DLC1: variants seen among roughly 807,000 people sequenced by gnomAD.
DLC1 encodes rho GTPase-activating protein 7.
A neutral mutation model predicts 140.3 loss-of-function variants in DLC1; 54 were observed. The observed-to-expected ratio is 0.38, with a 90% CI of 0.31 to 0.48. The LOEUF (loss-of-function observed/expected upper bound fraction) is 0.48, where lower values mean the gene tolerates loss of function less well. Ranked by LOEUF, DLC1 falls within the 20% of genes least tolerant of loss-of-function variation. The pLI, the probability that DLC1 is intolerant of heterozygous loss-of-function variation, is 0.96. For synonymous variants in DLC1, 986 were observed against 728.1 expected (o/e 1.35, Z -5.70); for missense variants, 2,536 against 1,907.0 (o/e 1.33, Z -6.14).
chr8:13,255,518 A>C (rs1830185450), intron 5 of DLC1, among the ~76,000 whole-genome samples: 1 of 152,196 alleles, frequency 6.6e-6, no homozygotes, highest in African/African-American at 2.4e-5. Context: ...TGAATGAATG[A>C]AATGAATGGA....
intron 2 of DLC1, among the ~76,000 whole-genome samples, chr8:13,484,293 G>C (rs905594996): frequency 1.3e-5 from 2 of 152,092 alleles, no homozygotes; most frequent in African/African-American, 4.8e-5. Flanking sequence ...ATAAGACTAA[G>C]CTTACAGATG....
At chr8:13,573,569 A>G (rs1804738944) in intron 1 of DLC1, among the ~76,000 whole-genome samples, 1 of 152,150 alleles carries the variant, frequency 6.6e-6, no homozygotes, top group African/African-American at 2.4e-5. Context: ...GACCACTGGG[A>G]ATGATTTTAC....
chr8:13,156,992 T>G (rs986550174), intron 5 of DLC1, among the ~76,000 whole-genome samples: 1 of 152,192 alleles, frequency 6.6e-6, no homozygotes, highest in Admixed American at 6.5e-5. Context: ...TGAAATCTGA[T>G]TCTCAGACAG....
intron 1 of DLC1, among the ~76,000 whole-genome samples, chr8:13,556,643 G>A (rs558061949): frequency 2.0e-5 from 3 of 152,212 alleles, no homozygotes; most frequent in South Asian, 4.2e-4. Flanking sequence ...CCAAGTAGTA[G>A]GGCCTGATAC....
At chr8:13,395,932 T>A (rs1284641189) in intron 3 of DLC1, among the ~76,000 whole-genome samples, 1 of 151,988 alleles carries the variant, frequency 6.6e-6, no homozygotes, top group Admixed American at 6.6e-5. Context: ...TGGATCAACA[T>A]CAAGTAGTCT....
intron 4 of DLC1, among the ~76,000 whole-genome samples, chr8:13,319,134 T>G (rs531905911): frequency 6.6e-6 from 1 of 152,312 alleles, no homozygotes; most frequent in East Asian, 1.9e-4. Flanking sequence ...TCAAACGTAA[T>G]TGGTTCAGTA....
At chr8:13,227,920 G>A (rs1224858800) in intron 5 of DLC1, among the ~76,000 whole-genome samples, 1 of 152,124 alleles carries the variant, frequency 6.6e-6, no homozygotes, top group Non-Finnish European at 1.5e-5. Flanking sequence ...CATTTATATA[G>A]ATGGTATTTA....
At chr8:13,450,715 A>C (rs1346476422) in intron 2 of DLC1, among the ~76,000 whole-genome samples, 1 of 152,142 alleles carries the variant, frequency 6.6e-6, no homozygotes, top group Non-Finnish European at 1.5e-5. Context: ...CCATCAACAT[A>C]GTTCTCCAAA....
At chr8:13,285,585 G>A (rs1831511264) in intron 5 of DLC1, among the ~76,000 whole-genome samples, 1 of 151,974 alleles carries the variant, frequency 6.6e-6, no homozygotes, top group South Asian at 2.1e-4. Context: ...AAGTCATTAG[G>A]GAAATGCAAA....
intron 3 of DLC1, among the ~76,000 whole-genome samples, chr8:13,394,704 C>A (rs941883098): frequency 3.9e-5 from 6 of 152,140 alleles, no homozygotes; most frequent in Non-Finnish European, 5.9e-5. Context: ...ATGTCCCGCA[C>A]CCCAACTCTC....
At chr8:13,133,149 C>A (rs1310421441) in intron 5 of DLC1, 7 of 1,446,716 alleles carry the variant, frequency 4.8e-6, no homozygotes, top group South Asian at 2.9e-5. Flanking sequence ...AGAAAGAAAG[C>A]GGGGTTTTCT....
intron 5 of DLC1, among the ~76,000 whole-genome samples, chr8:13,274,608 G>A (rs1383667094): frequency 6.6e-6 from 1 of 152,110 alleles, no homozygotes; most frequent in Non-Finnish European, 1.5e-5. Flanking sequence ...ATATATAACA[G>A]ACAAATAAGA....
chr8:13,462,820 TA>T (rs1331412663), intron 2 of DLC1, among the ~76,000 whole-genome samples: 1 of 152,204 alleles, frequency 6.6e-6, no homozygotes, highest in Non-Finnish European at 1.5e-5. Flanking sequence ...TCAAGGTAAC[TA>T]CAAGGTAGTG....
At chr8:13,509,412 C>T in intron 1 of DLC1, among the ~76,000 whole-genome samples, 1 of 152,198 alleles carries the variant, frequency 6.6e-6, no homozygotes, top group East Asian at 1.9e-4. Context: ...GGGTCAATGT[C>T]TCTGCTATCA....
chr8:13,540,862 C>G (rs970954237), intron 1 of DLC1, among the ~76,000 whole-genome samples: 1 of 152,166 alleles, frequency 6.6e-6, no homozygotes, highest in African/African-American at 2.4e-5. Flanking sequence ...AACAGGAGTT[C>G]AGATTGTCCT....
chr8:13,084,256 G>A lies in DLC1; in HGVS notation c.*1555C>T, dbSNP rs1211232676. 6.6e-6 allele frequency: 1 copy of A among 152,478 alleles called. No individual in the cohort carries two copies. The highest frequency in any genetic ancestry group is 6.6e-5 in the Admixed American group (1 of 15,262). 9.4% of individuals were successfully genotyped at this position (152,478 alleles called of 1,614,324 possible). On this transcript the variant is annotated 3_prime_UTR_variant, in exon 18 of 18. Transcript: ENST00000276297. ...GAATATCCATGTATATCTTCATGAG[G>A]AACACTGATATCCAAAATACTCAAA...
chr8:13,358,526 C>T (rs756377189), intron 4 of DLC1, among the ~76,000 whole-genome samples: 1 of 152,072 alleles, frequency 6.6e-6, no homozygotes, highest in Non-Finnish European at 1.5e-5. Flanking sequence ...TTTTTCTAGT[C>T]TACAGTAGGG....
Position 13,499,100 on chromosome 8 carries a change from G to A in DLC1, c.972C>T (p.Thr324=). Residue 324 remains threonine, a synonymous_variant, in exon 2 of 18, where the codon ACC becomes ACT. Coordinates refer to ENST00000276297, the MANE Select transcript of DLC1 (RefSeq NM_182643.3). ...TATCTGTGGGTTCCTGGGTGGCCAG[G>A]GTCTCCTTTAATTGTAAACACTGCA... is the stretch of plus-strand genomic sequence containing the variant. The part of the protein sequence containing the change: ...DGMQCLQLKE[T]LATQEPTDNQ... 2 of 1,613,948 alleles carry A rather than the reference G, an allele frequency of 1.2e-6. No individual in the cohort carries two copies. Among genetic ancestry groups the A allele is most frequent in the Non-Finnish European group, 1.7e-6 (2 of 1,179,940 alleles).
At chr8:13,453,401 T>TTTTTTTTTTTTTTTTTTTTTTCAGATA (rs1799167076) in intron 2 of DLC1, among the ~76,000 whole-genome samples, 1 of 28,430 alleles carries the variant, frequency 3.5e-5, no homozygotes, top group African/African-American at 1.7e-4. Flanking sequence ...TATATATATA[T>TTTTTTTTTTTTTTTTTTTTTTCAGATA]GTGTATATAT....
Sources: gnomAD v4.1 joint callset for allele counts (sites outside exome capture counted in the v4.1 genomes callset) on GRCh38, gnomAD v4.1.1 for gene constraint, MANE v1.5 for transcripts, NCBI Gene and HGNC (gene_info 2026-07-23, HGNC 2026-07-21) for gene names.